Variants in TJP2 observed in about 807,000 individuals in gnomAD.
TJP2 encodes the protein tight junction protein 2, also known as Friedreich ataxia region gene X104 (tight junction protein ZO-2).
Under a neutral mutation model 133.1 loss-of-function variants are expected in TJP2, and 91 were observed. The observed-to-expected ratio is 0.68, with a 90% CI of 0.58 to 0.81. The LOEUF (loss-of-function observed/expected upper bound fraction) is 0.81, where lower values mean the gene tolerates loss of function less well. Ranked by LOEUF, TJP2 falls within the 40% of genes least tolerant of loss-of-function variation. The pLI, the probability that TJP2 is intolerant of heterozygous loss-of-function variation, is 0.00. For synonymous variants in TJP2, 592 were observed against 583.4 expected (o/e 1.01, Z -0.21); for missense variants, 1,541 against 1,565.6 (o/e 0.98, Z 0.26).
chr9:69,175,066 A>C (rs1824978668), intron 1 of TJP2, among the ~76,000 whole-genome samples: 1 of 152,150 alleles, frequency 6.6e-6, no homozygotes, highest in Admixed American at 6.5e-5. Context: ...TTTACACGGT[A>C]GTTTAAGTTA....
chr9:69,227,171 A>G (rs1467444421), intron 7 of TJP2, among the ~76,000 whole-genome samples: 1 of 152,096 alleles, frequency 6.6e-6, no homozygotes, highest in Non-Finnish European at 1.5e-5. Context: ...TTAAAACTTA[A>G]TTCACTTTCC....
At chr9:69,248,581 G>A (rs1831098712) in intron 19 of TJP2, 1 of 1,189,836 alleles carries the variant, frequency 8.4e-7, no homozygotes, top group Non-Finnish European at 1.0e-6. Context: ...GTTTCTCTCT[G>A]TACTCTTAGA....
At chr9:69,129,877 C>T (rs1360117643) in intron 1 of TJP2, among the ~76,000 whole-genome samples, 13 of 151,864 alleles carry the variant, frequency 8.6e-5, no homozygotes, top group African/African-American at 2.4e-4. Flanking sequence ...ATTAGCTGGG[C>T]GTGGTGGCGT....
At chr9:69,250,737 C>G (rs1368413767) in intron 20 of TJP2, among the ~76,000 whole-genome samples, 3 of 152,168 alleles carry the variant, frequency 2.0e-5, no homozygotes, top group African/African-American at 7.2e-5. Context: ...TGCTGATCTC[C>G]TCTAGAACAA....
At chr9:69,194,691 T>C (rs182220168) in intron 1 of TJP2, among the ~76,000 whole-genome samples, 2 of 152,264 alleles carry the variant, frequency 1.3e-5, no homozygotes, top group East Asian at 3.9e-4. Context: ...TCTCAAACAT[T>C]ATTTTCCCCG....
chr9:69,196,656 G>A (rs2309422), intron 1 of TJP2, among the ~76,000 whole-genome samples: 57,597 of 151,768 alleles, frequency 0.38, 11,186 homozygotes, highest in South Asian at 0.44. Flanking sequence ...CAATAAAAGT[G>A]TGCAACCAGT....
intron 1 of TJP2, among the ~76,000 whole-genome samples, chr9:69,194,861 G>A (rs1826437062): frequency 6.6e-6 from 1 of 152,202 alleles, no homozygotes; most frequent in Non-Finnish European, 1.5e-5. Flanking sequence ...ATACCCAAAG[G>A]GTGGGGTTCT....
chr9:69,219,658 A>G (rs1394171096), intron 4 of TJP2, among the ~76,000 whole-genome samples: 2 of 152,176 alleles, frequency 1.3e-5, no homozygotes, highest in South Asian at 2.1e-4. Flanking sequence ...TCCTGGGTTC[A>G]AGCGATCCTT....
At chr9:69,176,821 TAAG>T (rs1825126697) in intron 1 of TJP2, among the ~76,000 whole-genome samples, 1 of 152,240 alleles carries the variant, frequency 6.6e-6, no homozygotes, top group Non-Finnish European at 1.5e-5. Context: ...TTTCTCTCCT[TAAG>T]AAGGTTATCT....
chr9:69,201,401 G>C (rs1197343458), intron 1 of TJP2, among the ~76,000 whole-genome samples: 4 of 149,992 alleles, frequency 2.7e-5, no homozygotes, highest in Non-Finnish European at 5.9e-5. Flanking sequence ...GCCCTGTGCT[G>C]TTCTTTGGAC....
chr9:69,240,854 T>C (rs1292619270), intron 17 of TJP2, among the ~76,000 whole-genome samples: 1 of 152,104 alleles, frequency 6.6e-6, no homozygotes, highest in Admixed American at 6.6e-5. Context: ...TATTGGATGA[T>C]TTAAAGATTT....
At chr9:69,127,257 A>G (rs1181577340) in intron 1 of TJP2, among the ~76,000 whole-genome samples, 1 of 73,762 alleles carries the variant, frequency 1.4e-5, no homozygotes, top group African/African-American at 4.1e-5. Context: ...TTTTAGTAGA[A>G]ACGGGGTTTC....
chr9:69,184,863 A>C (rs1587997711), intron 1 of TJP2, among the ~76,000 whole-genome samples: 2 of 109,824 alleles, frequency 1.8e-5, no homozygotes, highest in African/African-American at 3.4e-5. Flanking sequence ...TGATCCTCTC[A>C]CCTCAGCCTC....
At chr9:69,249,804 A>G (rs1831199141) in intron 20 of TJP2, 3 of 962,412 alleles carry the variant, frequency 3.1e-6, no homozygotes, top group African/African-American at 1.8e-5. Flanking sequence ...AGAATCACCA[A>G]TCGCAGAACG....
intron 1 of TJP2, among the ~76,000 whole-genome samples, chr9:69,134,677 G>A (rs1012479577): frequency 2.6e-5 from 4 of 152,182 alleles, no homozygotes; most frequent in Non-Finnish European, 5.9e-5. Flanking sequence ...ACCACCCAGC[G>A]AGCTGAAAGA....
At chr9:69,228,151 T>C in intron 9 of TJP2, 37 bp downstream of exon 9, 1 of 1,572,116 alleles carries the variant, frequency 6.4e-7, no homozygotes, top group Non-Finnish European at 8.6e-7. Context: ...AACAGTTGTG[T>C]TCAGAAGTGT....
intron 17 of TJP2, among the ~76,000 whole-genome samples, chr9:69,241,904 C>T (rs185470639): frequency 1.6e-4 from 25 of 152,190 alleles, no homozygotes; most frequent in African/African-American, 5.8e-4. Flanking sequence ...GTAATGCAGC[C>T]CTTCCTTTTG....
chr9:69,238,029 CAG>C (rs1830318748), intron 15 of TJP2, 56 bp downstream of exon 15: 1 of 1,300,388 alleles, frequency 7.7e-7, no homozygotes, highest in Admixed American at 1.7e-5. Flanking sequence ...AAATTTCTAA[CAG>C]AGGAGTTGGA....
At chr9:69,223,069 G>GAAAAAAAAAAAAAAAAAAA (rs57114714) in intron 5 of TJP2, among the ~76,000 whole-genome samples, 1 of 114,084 alleles carries the variant, frequency 8.8e-6, no homozygotes, top group African/African-American at 3.1e-5. Flanking sequence ...ACTCTGTCTT[G>GAAAAAAAAAAAAAAAAAAA]AAAAAAAAAA....
Sources: gnomAD v4.1 joint callset for allele counts (sites outside exome capture counted in the v4.1 genomes callset) on GRCh38, gnomAD v4.1.1 for gene constraint, MANE v1.5 for transcripts, NCBI Gene and HGNC (gene_info 2026-07-23, HGNC 2026-07-21) for gene names.